ZNF462: variants seen among roughly 807,000 people sequenced by gnomAD.
The protein encoded by ZNF462 is zinc finger protein 462, also known as zinc finger PBX1-interacting protein.
Under a neutral mutation model 201.9 loss-of-function variants are expected in ZNF462, and 10 were observed. The observed-to-expected ratio is 0.05, with a 90% confidence interval of 0.03 to 0.08. The LOEUF (loss-of-function observed/expected upper bound fraction) is 0.08, where lower values mean the gene tolerates loss of function less well. Among genes scored for constraint, ZNF462 ranks in the 10% least tolerant of loss-of-function variants. The probability of loss-of-function intolerance (pLI) is 1.00; values close to 1 mark genes in which losing one functional copy is unlikely to be tolerated. For missense variants in ZNF462, 2,523 were observed against 3,168.3 expected (o/e 0.80, Z 4.89); for synonymous variants, 1,227 against 1,193.3 (o/e 1.03, Z -0.58).
intron 1 of ZNF462, among the ~76,000 whole-genome samples, chr9:106,881,552 A>G (rs1254991405): frequency 6.6e-6 from 1 of 152,182 alleles, no homozygotes; most frequent in East Asian, 1.9e-4. Flanking sequence ...ACACACAAAA[A>G]ATCCTAATTT....
In ZNF462 at chr9:106,870,049, C is replaced by T. The variant is rs918308108; in HGVS notation, c.-31+6694C>T. ...AAAATTTATCTTTTTTCTAAGTCCT[C>T]CTATTCTCATCAGCTGAAGCACGTA... is the stretch of plus-strand genomic sequence containing the variant. On this transcript the variant is annotated intron_variant, in intron 1 of 12. Coordinates refer to ENST00000277225, the MANE Select transcript of ZNF462 (RefSeq NM_021224.6). The surrounding 1 kb of genome is among the most constrained non-coding windows in gnomAD (Gnocchi z 4.3). 1.3e-5 allele frequency among the ~76,000 whole-genome samples: 2 copies of T among 152,082 alleles called. No homozygotes were observed. The highest frequency in any genetic ancestry group is 1.3e-4 in the Admixed American group (2 of 15,278).
chr9:106,952,819 A>G (rs757686379), intron 7 of ZNF462, among the ~76,000 whole-genome samples: 2 of 152,130 alleles, frequency 1.3e-5, no homozygotes, highest in Non-Finnish European at 2.9e-5. Flanking sequence ...TGAGACAGGA[A>G]CCTCCATGAC....
chr9:107,002,769 G>C (rs1474527068), intron 10 of ZNF462, among the ~76,000 whole-genome samples: 3 of 152,178 alleles, frequency 2.0e-5, no homozygotes, highest in Non-Finnish European at 4.4e-5. Flanking sequence ...ATTTAAACTA[G>C]AGTTAAGGAT....
chr9:106,878,401 GT>G (rs1827931449), intron 1 of ZNF462, among the ~76,000 whole-genome samples: 1 of 152,216 alleles, frequency 6.6e-6, no homozygotes, highest in African/African-American at 2.4e-5. Flanking sequence ...TGCATGCTTA[GT>G]TAGCAGTTGT....
chr9:106,928,530 T>A lies in ZNF462; in HGVS notation c.4618T>A (p.Ser1540Thr). 1 of 1,613,624 alleles carries A rather than the reference T, an allele frequency of 6.2e-7. No homozygotes were observed. The highest frequency in any genetic ancestry group is 8.5e-7 in the Non-Finnish European group (1 of 1,179,902). ...GACCCACTACCAGAAGCGACACCCGTCCATCAAGGTGACCGCTGAGGACTT... is the reference window on the plus strand; with the variant it reads ...GACCCACTACCAGAAGCGACACCCGACCATCAAGGTGACCGCTGAGGACTT... Reference protein sequence around the residue: ...VLTHYQKRHPSIKVTAEDFVH... With the variant: ...VLTHYQKRHPTIKVTAEDFVH... Residue 1540 changes from serine to threonine, a missense_variant, in exon 3 of 13, where the codon TCC becomes ACC. Ser to Thr is a moderately conservative substitution (Grantham distance 58). Transcript: ENST00000277225. This position sits in a 1 kb window ranked among gnomAD's most constrained non-coding sequence, Gnocchi z 9.3.
intron 1 of ZNF462, among the ~76,000 whole-genome samples, chr9:106,914,871 G>A (rs1202914033): frequency 6.6e-6 from 1 of 152,082 alleles, no homozygotes; most frequent in Non-Finnish European, 1.5e-5. Flanking sequence ...AGTTGTCAAG[G>A]AAAGCCCCTG....
intron 1 of ZNF462, among the ~76,000 whole-genome samples, chr9:106,908,901 CCATATATA>C (rs1240675469): frequency 1.6e-4 from 14 of 88,178 alleles, no homozygotes; most frequent in Middle Eastern, 8.5e-3. Flanking sequence ...GAATATTTGC[CCATATATA>C]CATATATATA....
chr9:106,930,219 C>T lies in ZNF462; in HGVS notation c.5848-306C>T, dbSNP rs994767212. Among the ~76,000 whole-genome samples, 1 of 152,094 alleles carries T rather than the reference C, an allele frequency of 6.6e-6. No homozygotes were observed. The highest frequency in any genetic ancestry group is 6.5e-5 in the Admixed American group (1 of 15,286). On this transcript the variant is annotated intron_variant, in intron 3 of 12. Transcript: ENST00000277225. The surrounding 1 kb of genome is among the most constrained non-coding windows in gnomAD (Gnocchi z 5.8). ...GTTCATTAATGGCGCAACTATGCAA[C>T]GTTTCACCTGCCTAGTTGAAACTGG...
rs766822607 is a variant in ZNF462, at chr9:107,009,546, G to A, written c.7191G>A (p.Glu2397=). The change falls in exon 12 of 13, where the codon GAG becomes GAA. Residue 2397 remains glutamate, a splice_region_variant and synonymous_variant. Transcript: ENST00000277225. The surrounding 1 kb of genome is among the most constrained non-coding windows in gnomAD (Gnocchi z 6.1). ...AACACTTCTGCTTTCTCTTTGCAGA[G>A]CTGATGAGATTTTCTGACCACGGGG... ...EEMNSKAEDR[E]LMRFSDHGAA... 1.2e-6 allele frequency: 2 copies of A among 1,613,896 alleles called. No homozygotes were observed. Among genetic ancestry groups the A allele is most frequent in the South Asian group, 2.2e-5 (2 of 91,066 alleles).
chr9:106,997,359 A>G (rs1363094450), intron 10 of ZNF462, among the ~76,000 whole-genome samples: 1 of 152,190 alleles, frequency 6.6e-6, no homozygotes, highest in Non-Finnish European at 1.5e-5. Flanking sequence ...AGTGTCTCAA[A>G]GAGCTACTGC....
At position 106,930,423 on chromosome 9, in the gene ZNF462, C is replaced by G. The variant is rs1036429514; in HGVS notation, c.5848-102C>G. The G allele has an allele frequency of 6.9e-7, 1 of 1,456,392 alleles. No homozygotes were observed. The highest frequency in any genetic ancestry group is 1.4e-5 in the African/African-American group (1 of 70,888). 90.2% of individuals were successfully genotyped at this position (1,456,392 alleles called of 1,614,324 possible). On this transcript the variant is annotated intron_variant, in intron 3 of 12. Transcript: ENST00000277225. This position sits in a 1 kb window ranked among gnomAD's most constrained non-coding sequence, Gnocchi z 5.8. ...TATATCTCCCTTGGTTTTTAACCTG[C>G]TAATCGGCTTTAAAATAAAGTATGT... is the stretch of plus-strand genomic sequence containing the variant.
rs78834910 is a variant in ZNF462 at position 106,890,792 on chromosome 9, A to G, written c.-31+27437A>G. On this transcript the variant is annotated intron_variant, in intron 1 of 12. Transcript: ENST00000277225. This position sits in a 1 kb window ranked among gnomAD's most constrained non-coding sequence, Gnocchi z 4.2. Reference sequence around the variant, plus strand: ...CATCGTAGGGAGTGCATAGTAGACTATGTTGTTCAATTATCATGAGATTAC... The same window carrying G: ...CATCGTAGGGAGTGCATAGTAGACTGTGTTGTTCAATTATCATGAGATTAC... Among the ~76,000 whole-genome samples the G allele has an allele frequency of 6.2e-3, 940 of 152,264 alleles. 10 individuals carry two copies. Among genetic ancestry groups the G allele is most frequent in the African/African-American group, 0.022 (909 of 41,536 alleles).
intron 1 of ZNF462, among the ~76,000 whole-genome samples, chr9:106,906,039 C>G (rs1324580800): frequency 2.6e-5 from 4 of 152,214 alleles, no homozygotes; most frequent in Admixed American, 1.3e-4. Context: ...GAATGGGCCG[C>G]TTGGGGACCC....
rs1410367588 is a variant in ZNF462 at position 106,890,952 on chromosome 9, T to C, written c.-31+27597T>C. 6.6e-6 allele frequency among the ~76,000 whole-genome samples: 1 copy of C among 152,204 alleles called. No homozygotes were observed. Among genetic ancestry groups the C allele is most frequent in the African/African-American group, 2.4e-5 (1 of 41,444 alleles). ...TTTTCTTTGTACCTTTCTGGTTGAG[T>C]AAAGAATAAGATAGTCTTTTTCTTT... On this transcript the variant is annotated intron_variant, in intron 1 of 12. Transcript: ENST00000277225. This position sits in a 1 kb window ranked among gnomAD's most constrained non-coding sequence, Gnocchi z 4.2.
In ZNF462 at chr9:106,927,115, G is replaced by A. The variant is rs764464294; in HGVS notation, c.3203G>A (p.Arg1068Gln). ...ASYFRIQKTM[R>Q]MVSVDRGSAL... is the part of the protein sequence containing the mutation. ...TACTTTAGGATCCAGAAAACTATGC[G>A]AATGGTGTCTGTGGACAGGGGCTCT... The change falls in exon 3 of 13, where the codon CGA becomes CAA. Residue 1068 changes from arginine to glutamine, a missense_variant. Around this residue, in one of 15 missense-constraint regions of ZNF462, gnomAD observed 280 missense variants for 321.3 expected, o/e 0.87. Transcript: ENST00000277225. The A allele has an allele frequency of 9.9e-6, 16 of 1,614,154 alleles. No individual in the cohort carries two copies. Among genetic ancestry groups the A allele is most frequent in the Admixed American group, 3.3e-5 (2 of 60,022 alleles).
chr9:106,860,781 A>C (rs1002627436), upstream of ZNF462, among the ~76,000 whole-genome samples: 62 of 152,244 alleles, frequency 4.1e-4, no homozygotes, highest in African/African-American at 1.4e-3. The surrounding 1 kb of genome is among the most constrained non-coding windows in gnomAD (Gnocchi z 7.1). Context: ...GGCGGCGGCC[A>C]GCGCTCAGAC....
intron 10 of ZNF462, among the ~76,000 whole-genome samples, chr9:106,996,443 G>A: frequency 6.6e-6 from 1 of 152,144 alleles, no homozygotes; most frequent in Non-Finnish European, 1.5e-5. Context: ...GTGTAAAAGT[G>A]TTCCTATTTC....
chr9:106,896,374 T>C (rs1194233740), intron 1 of ZNF462, among the ~76,000 whole-genome samples: 1 of 152,184 alleles, frequency 6.6e-6, no homozygotes, highest in Non-Finnish European at 1.5e-5. Context: ...TTCAGATCAA[T>C]GATTCCCTCT....
At chr9:106,949,650 A>G (rs1206144080) in intron 7 of ZNF462, among the ~76,000 whole-genome samples, 1 of 151,782 alleles carries the variant, frequency 6.6e-6, no homozygotes, top group Non-Finnish European at 1.5e-5. Context: ...GAGTACTTCT[A>G]CTTCCTTTGT....
Sources: allele counts gnomAD v4.1 joint callset (sites outside exome capture counted in the v4.1 genomes callset), GRCh38; gene constraint gnomAD v4.1.1; regional missense constraint gnomAD v4.1.1; non-coding constraint Gnocchi (gnomAD v3.1); transcripts MANE v1.5; gene names NCBI Gene and HGNC (gene_info 2026-07-23, HGNC 2026-07-21).